The following UST variants were observed in gnomAD, a reference collection of about 807,000 sequenced individuals.
UST encodes the protein uronyl 2-sulfotransferase.
A neutral mutation model predicts 45.6 loss-of-function variants in UST; 21 were observed. That is an observed-to-expected ratio of 0.46 (90% CI 0.33 to 0.66). The LOEUF (loss-of-function observed/expected upper bound fraction) is 0.66. UST is among the 30% of genes least tolerant of loss of function. The pLI is 0.02. For missense variants in UST, 463 were observed against 512.4 expected (o/e 0.90, Z 0.93); for synonymous variants, 215 against 200.6 (o/e 1.07, Z -0.61).
intron 2 of UST, among the ~76,000 whole-genome samples, chr6:148,937,973 T>C (rs1780053631): frequency 6.6e-6 from 1 of 152,244 alleles, no homozygotes; most frequent in African/African-American, 2.4e-5. Flanking sequence ...CATAACCTTG[T>C]AGCCAAGAAT....
At chr6:149,058,038 G>A (rs915415737) in intron 7 of UST, among the ~76,000 whole-genome samples, 1 of 152,138 alleles carries the variant, frequency 6.6e-6, no homozygotes, top group Non-Finnish European at 1.5e-5. Flanking sequence ...AAAAATAAAT[G>A]TTTATGTTTT....
intron 3 of UST, 102 bp from the exon 4 acceptor site, chr6:148,953,770 T>TCAA: frequency 4.5e-6 from 2 of 446,262 alleles, no homozygotes; most frequent in Non-Finnish European, 6.6e-6. Context: ...AGACTCCATC[T>TCAA]CAAAAAAAAA....
At chr6:148,969,761 C>G (rs1012512545) in intron 5 of UST, among the ~76,000 whole-genome samples, 1 of 152,192 alleles carries the variant, frequency 6.6e-6, no homozygotes, top group Non-Finnish European at 1.5e-5. Flanking sequence ...ACCCTCAGGT[C>G]TGCTTCTGCT....
chr6:148,764,558 G>A (rs367996471), intron 1 of UST, among the ~76,000 whole-genome samples: 28 of 152,158 alleles, frequency 1.8e-4, no homozygotes, highest in Admixed American at 4.6e-4. Context: ...AGTGTCGGCC[G>A]GTCTGAGAAA....
chr6:148,825,965 A>G (rs1777560945), intron 1 of UST, among the ~76,000 whole-genome samples: 1 of 152,204 alleles, frequency 6.6e-6, no homozygotes, highest in African/African-American at 2.4e-5. Context: ...GGGGGCAGAT[A>G]GAGCTATTAA....
chr6:148,805,710 AC>A (rs1777133747), intron 1 of UST, among the ~76,000 whole-genome samples: 1 of 152,204 alleles, frequency 6.6e-6, no homozygotes, highest in African/African-American at 2.4e-5. Context: ...ATTTTCTTAA[AC>A]TTTTCATAGT....
chr6:148,953,732 A>T, intron 3 of UST, 140 bp from the exon 4 acceptor site: 1 of 393,954 alleles, frequency 2.5e-6, no homozygotes, highest in Non-Finnish European at 4.4e-6. Context: ...AGATCGAGCT[A>T]CTGCACTCCA....
At chr6:149,015,618 G>GT (rs142432284) in intron 5 of UST, among the ~76,000 whole-genome samples, 6,276 of 151,204 alleles carry the variant, frequency 0.042, 161 homozygotes, top group African/African-American at 0.056. Flanking sequence ...CATATTAAAT[G>GT]TTTTTTTTTC....
chr6:148,933,155 T>C (rs1327016151), intron 2 of UST, among the ~76,000 whole-genome samples: 3 of 152,184 alleles, frequency 2.0e-5, no homozygotes, highest in African/African-American at 7.2e-5. Context: ...CAAAATATTA[T>C]GAATGTTAAG....
chr6:148,836,956 G>C (rs1777795755), intron 1 of UST, among the ~76,000 whole-genome samples: 1 of 152,150 alleles, frequency 6.6e-6, no homozygotes, highest in African/African-American at 2.4e-5. Context: ...AAGTGGTAAT[G>C]GAAAACCACA....
chr6:148,922,390 C>T (rs1436937980), intron 2 of UST, among the ~76,000 whole-genome samples: 1 of 152,106 alleles, frequency 6.6e-6, no homozygotes, highest in Admixed American at 6.5e-5. Flanking sequence ...TTCTCTTACT[C>T]AGCATAATGT....
At chr6:148,837,867 T>C (rs1192187372) in intron 1 of UST, among the ~76,000 whole-genome samples, 1 of 152,076 alleles carries the variant, frequency 6.6e-6, no homozygotes, top group Non-Finnish European at 1.5e-5. Flanking sequence ...CATGCCCAGC[T>C]AAATTTTGTA....
intron 5 of UST, among the ~76,000 whole-genome samples, chr6:149,016,656 G>A (rs1464284918): frequency 1.3e-5 from 2 of 152,226 alleles, no homozygotes; most frequent in African/African-American, 4.8e-5. Flanking sequence ...GGTGCCATGA[G>A]AGCCTCTGTA....
chr6:148,905,991 T>C lies in UST; in HGVS notation c.291+18962T>C, dbSNP rs142479395. ...AAGGGCATGGAACATATTTTATACA[T>C]CTTTTTTGGCTTAATGGATATGTAC... On this transcript the variant is annotated intron_variant, in intron 2 of 7. Transcript: ENST00000367463. Among the ~76,000 whole-genome samples the C allele has an allele frequency of 5.9e-3, 901 of 151,734 alleles. 9 individuals carry two copies. Among genetic ancestry groups the C allele is most frequent in the African/African-American group, 0.021 (844 of 40,982 alleles).
intron 1 of UST, among the ~76,000 whole-genome samples, chr6:148,751,014 G>A (rs1318131244): frequency 1.3e-5 from 2 of 152,180 alleles, no homozygotes; most frequent in Non-Finnish European, 2.9e-5. Flanking sequence ...TCCCAAAGCT[G>A]CTGAAGTCTG....
At chr6:149,042,500 A>G (rs969107608) in intron 7 of UST, among the ~76,000 whole-genome samples, 8 of 152,102 alleles carry the variant, frequency 5.3e-5, no homozygotes, top group African/African-American at 1.9e-4. Flanking sequence ...CTGCACCAGG[A>G]CCTGGACCCA....
chr6:148,787,424 T>C (rs973743757), intron 1 of UST, among the ~76,000 whole-genome samples: 2 of 152,300 alleles, frequency 1.3e-5, no homozygotes, highest in Middle Eastern at 3.4e-3. Context: ...CAGGTCTCCC[T>C]GCACCATTTA....
At chr6:148,802,424 G>A (rs1415686060) in intron 1 of UST, among the ~76,000 whole-genome samples, 4 of 152,212 alleles carry the variant, frequency 2.6e-5, no homozygotes, top group African/African-American at 9.7e-5. Flanking sequence ...CAATGTATAT[G>A]TAAGTTTATT....
At chr6:148,969,096 G>C (rs181279271) in intron 5 of UST, among the ~76,000 whole-genome samples, 134 of 152,310 alleles carry the variant, frequency 8.8e-4, no homozygotes, top group African/African-American at 3.2e-3. Flanking sequence ...TAATCTACTT[G>C]AAAGTTTTGG....
Sources: allele counts gnomAD v4.1 joint callset (sites outside exome capture counted in the v4.1 genomes callset), GRCh38; gene constraint gnomAD v4.1.1; transcripts MANE v1.5; gene names NCBI Gene and HGNC (gene_info 2026-07-23, HGNC 2026-07-21).